Variants in N4BP2 observed in about 807,000 individuals in gnomAD.
N4BP2 encodes the protein NEDD4-binding protein 2.
In N4BP2, 91 loss-of-function variants were observed where a neutral mutation model predicts 152.8. The observed-to-expected ratio is 0.60, with a 90% CI of 0.50 to 0.71. The LOEUF (loss-of-function observed/expected upper bound fraction) is 0.71. Ranked by LOEUF, N4BP2 falls within the 30% of genes least tolerant of loss-of-function variation. The probability of loss-of-function intolerance (pLI) is 0.00; values close to 1 mark genes in which losing one functional copy is unlikely to be tolerated. For missense variants in N4BP2, 1,923 were observed against 2,059.1 expected, an observed-to-expected ratio of 0.93 and a Z score of 1.28; for synonymous variants, 646 against 705.3, an observed-to-expected ratio of 0.92 and a Z score of 1.33.
intron 1 of N4BP2, among the ~76,000 whole-genome samples, chr4:40,061,733 C>T (rs1448014719): frequency 1.3e-5 from 2 of 148,326 alleles, no homozygotes; most frequent in East Asian, 2.0e-4. Context: ...GGTGTGATCT[C>T]GGCTCACTGC....
At chr4:40,076,579 C>T (rs1183337474) in intron 2 of N4BP2, among the ~76,000 whole-genome samples, 1 of 152,150 alleles carries the variant, frequency 6.6e-6, no homozygotes, top group South Asian at 2.1e-4. Context: ...AGCTCCGCCT[C>T]CTGGGTTCAT....
chr4:40,082,216 C>T (rs978305055), intron 2 of N4BP2, among the ~76,000 whole-genome samples: 4 of 141,340 alleles, frequency 2.8e-5, no homozygotes, highest in African/African-American at 1.0e-4. Context: ...GTGGAGGCTG[C>T]AGTGAGCCGA....
At chr4:40,147,166 G>A (rs1720617872) in intron 16 of N4BP2, among the ~76,000 whole-genome samples, 1 of 149,740 alleles carries the variant, frequency 6.7e-6, no homozygotes, top group East Asian at 1.9e-4. Context: ...ATCTTGCACC[G>A]CCCTTAATCC....
At chr4:40,079,451 G>T in intron 2 of N4BP2, among the ~76,000 whole-genome samples, 5 of 137,970 alleles carry the variant, frequency 3.6e-5, no homozygotes, top group African/African-American at 1.1e-4. Flanking sequence ...AGTGTTTATT[G>T]GTATATCTAC....
chr4:40,173,190 T>C, the N4BP2 span, among the ~76,000 whole-genome samples: 1 of 152,162 alleles, frequency 6.6e-6, no homozygotes, highest in Admixed American at 6.5e-5. Context: ...GGGGCTAGTT[T>C]AGGAAACCTC....
chr4:40,098,901 A>G (rs1322728792), intron 3 of N4BP2, among the ~76,000 whole-genome samples: 1 of 152,206 alleles, frequency 6.6e-6, no homozygotes, highest in Non-Finnish European at 1.5e-5. Context: ...ATGCGTTTTT[A>G]ACTTAACATA....
At chr4:40,138,372 T>C (rs909304047) in intron 14 of N4BP2, among the ~76,000 whole-genome samples, 1 of 152,252 alleles carries the variant, frequency 6.6e-6, no homozygotes, top group Non-Finnish European at 1.5e-5. Flanking sequence ...TTCTGTCCTT[T>C]CCATAGGTTG....
chr4:40,178,428 A>C, the N4BP2 span, among the ~76,000 whole-genome samples: 9 of 10,808 alleles, frequency 8.3e-4, no homozygotes, highest in Admixed American at 2.2e-3. Context: ...CACCAAAACA[A>C]AAAAAAAAAG....
the N4BP2 span, among the ~76,000 whole-genome samples, chr4:40,163,594 T>A: frequency 3.3e-5 from 5 of 152,132 alleles, no homozygotes; most frequent in Non-Finnish European, 5.9e-5. Context: ...CAAGACTTTG[T>A]GTCTGTATGT....
chr4:40,140,424 G>A (rs912054783), intron 14 of N4BP2, among the ~76,000 whole-genome samples: 2 of 152,164 alleles, frequency 1.3e-5, no homozygotes, highest in African/African-American at 4.8e-5. Flanking sequence ...AAGGCACTGT[G>A]AGTCATTATG....
chr4:40,126,667 G>A (rs955218630), intron 12 of N4BP2, among the ~76,000 whole-genome samples: 32 of 151,894 alleles, frequency 2.1e-4, no homozygotes, highest in Admixed American at 2.1e-3. Flanking sequence ...CTACAGTGGC[G>A]TGATCACAGC....
downstream of N4BP2, chr4:40,158,323 G>A (rs1336125053): frequency 6.6e-6 from 1 of 152,066 alleles, no homozygotes; most frequent in Non-Finnish European, 1.5e-5. Context: ...ATATTTTCAT[G>A]TCTAACTTTG....
intron 1 of N4BP2, among the ~76,000 whole-genome samples, chr4:40,065,099 A>C (rs957418278): frequency 6.6e-6 from 1 of 152,162 alleles, no homozygotes; most frequent in African/African-American, 2.4e-5. Flanking sequence ...CAGAGAATGT[A>C]TAAGGCACAG....
At chr4:40,143,709 C>G (rs950437884) in intron 15 of N4BP2, among the ~76,000 whole-genome samples, 2 of 152,070 alleles carry the variant, frequency 1.3e-5, no homozygotes, top group African/African-American at 4.8e-5. Flanking sequence ...TAACAGTAGT[C>G]CTTGGGGGAT....
chr4:40,059,604 C>T (rs1026424594), intron 1 of N4BP2, among the ~76,000 whole-genome samples: 1 of 151,024 alleles, frequency 6.6e-6, no homozygotes, highest in African/African-American at 2.5e-5. Flanking sequence ...CCCGCTTTGG[C>T]CTCCCAAAGT....
At chr4:40,100,437 T>C (rs1461116557) in intron 3 of N4BP2, among the ~76,000 whole-genome samples, 1 of 145,402 alleles carries the variant, frequency 6.9e-6, no homozygotes, top group Non-Finnish European at 1.5e-5. Context: ...AGCGCAGTAA[T>C]CACTTTCACT....
chr4:40,080,584 C>T (rs1407685516), intron 2 of N4BP2, among the ~76,000 whole-genome samples: 1 of 151,926 alleles, frequency 6.6e-6, no homozygotes, highest in Non-Finnish European at 1.5e-5. Context: ...ACCTGCCCGC[C>T]TCGGCCTCCC....
At chr4:40,114,883 A>G (rs1717210019) in intron 7 of N4BP2, among the ~76,000 whole-genome samples, 1 of 152,170 alleles carries the variant, frequency 6.6e-6, no homozygotes. Context: ...TATTAAAGCA[A>G]TTATAGTAGT....
chr4:40,102,027 TTC>T (rs1346575803), intron 3 of N4BP2, 46 bp from the exon 4 acceptor site: 2 of 1,156,946 alleles, frequency 1.7e-6, no homozygotes, highest in Non-Finnish European at 2.4e-6. Context: ...TAAATCTGTT[TTC>T]TCTGTCTATA....
Sources: allele counts gnomAD v4.1 joint callset (sites outside exome capture counted in the v4.1 genomes callset), GRCh38; gene constraint gnomAD v4.1.1; transcripts MANE v1.5; gene names NCBI Gene and HGNC (gene_info 2026-07-23, HGNC 2026-07-21).